Variants in KRT2 observed in about 807,000 individuals in gnomAD.
The protein encoded by KRT2 is keratin, type II cytoskeletal 2 epidermal.
In KRT2, 37 loss-of-function variants were observed where a neutral mutation model predicts 48.5. The ratio of observed to expected loss-of-function variants is 0.76; its 90% CI spans 0.59 to 1.00. The LOEUF (loss-of-function observed/expected upper bound fraction) is 1.00. Among genes scored for constraint, KRT2 ranks in the 50% least tolerant of loss-of-function variants. The pLI is 0.00. For synonymous variants in KRT2, 324 were observed against 312.2 expected (o/e 1.04, Z -0.40); for missense variants, 880 against 815.2 (o/e 1.08, Z -0.97).
rs1354641713 is a variant in KRT2, at chr12:52,645,612, G to A, written c.1470-43C>T. The stretch of plus-strand genomic sequence containing the variant: ...AAAACAAGTTGTGGTGGAACACTTA[G>A]GTTCTGTATGCATGTTGTTTTACCA... On this transcript the variant is annotated intron_variant, in intron 7 of 8. Coordinates refer to ENST00000309680, the MANE Select transcript of KRT2 (RefSeq NM_000423.3). 5.0e-6 allele frequency: 8 copies of A among 1,597,896 alleles called. No individual in the cohort carries two copies. The East Asian group carries it at 1.6e-4, about 31-fold the overall frequency.
Position 52,647,717 on chromosome 12 carries a change from G to T in KRT2, c.1248+13C>A. The T allele has an allele frequency of 1.2e-6, 2 of 1,613,460 alleles. No homozygotes were observed. The highest frequency in any genetic ancestry group is 1.1e-5 in the South Asian group (1 of 90,836). ...CAACCTCCCGCCCCTCGCTGGACAG[G>T]GCTGGGCCTCACCTGCTTCTTCACA... On this transcript the variant is annotated intron_variant, in intron 6 of 8. Transcript: ENST00000309680.
intron 5 of KRT2, 113 bp from the exon 6 acceptor site, chr12:52,647,968 A>G (rs1941193613): frequency 1.4e-6 from 2 of 1,402,892 alleles, no homozygotes; most frequent in African/African-American, 1.4e-5. Flanking sequence ...CAACCCAGCT[A>G]AATGTCATGG....
rs150521654 is a variant in KRT2 at position 52,645,324 on chromosome 12, A to G, written c.1615T>C (p.Tyr539His). ...GGGYSSGSSS[Y>H]GSGGRQSGSR... is the part of the protein sequence containing the mutation. ...CCAGACTGTCGGCCTCCAGAGCCAT[A>G]ACTGCTGCTTCCAGAGCTGTATCCT... The change falls in exon 9 of 9, where the codon TAT becomes CAT. Residue 539 changes from tyrosine (Y) to histidine (H), a missense_variant. Physicochemically the swap from Tyr to His is moderately conservative, Grantham distance 83 (BLOSUM62 2). Transcript: ENST00000309680. 1.9e-5 allele frequency: 30 copies of G among 1,613,954 alleles called. No homozygotes were observed. The highest frequency in any genetic ancestry group is 2.5e-5 in the Non-Finnish European group (29 of 1,180,002).
Position 52,645,239 on chromosome 12 carries a change from C to T in KRT2, c.1700G>A (p.Gly567Asp), listed in dbSNP as rs755833184. The change falls in exon 9 of 9, where the codon GGT becomes GAT. Residue 567 changes from glycine (G) to aspartate (D), a missense_variant. By Grantham distance (94) the Gly-to-Asp change is moderately conservative (BLOSUM62 -1). Coordinates refer to ENST00000309680, the MANE Select transcript of KRT2 (RefSeq NM_000423.3). Reference sequence around the variant, plus strand: ...AGATCCGTATCTTCCTCCAGAACCACCGCCAGAGCCATATCCTCCTCCAGA... The same window carrying T: ...AGATCCGTATCTTCCTCCAGAACCATCGCCAGAGCCATATCCTCCTCCAGA... ...SISGGGYGSG[G>D]GSGGRYGSGG... 48 of 1,613,992 alleles carry T rather than the reference C, an allele frequency of 3.0e-5. No individual in the cohort carries two copies. Among genetic ancestry groups the T allele is most frequent in the Non-Finnish European group, 4.0e-5 (47 of 1,180,022 alleles).
chr12:52,651,026 G>T (rs1324089092), intron 1 of KRT2, among the ~76,000 whole-genome samples: 1 of 152,144 alleles, frequency 6.6e-6, no homozygotes, highest in African/African-American at 2.4e-5. Flanking sequence ...ACCAAGACAG[G>T]TTCGTCTGCC....
Position 52,645,079 on chromosome 12 carries a change from G to C in KRT2, c.1860C>G (p.Ser620Arg). The C allele has an allele frequency of 6.2e-7, 1 of 1,614,048 alleles. No individual in the cohort carries two copies. The highest frequency in any genetic ancestry group is 8.5e-7 in the Non-Finnish European group (1 of 1,180,016). Residue 620 changes from serine to arginine, a missense_variant, in exon 9 of 9, where the codon AGC (serine) becomes AGG (arginine). Ser to Arg is a moderately radical substitution (Grantham distance 110). Coordinates refer to ENST00000309680, the MANE Select transcript of KRT2 (RefSeq NM_000423.3). Reference protein sequence around the residue: ...GGYGSGGGGSSSVKGSSGEAF... With the variant: ...GGYGSGGGGSRSVKGSSGEAF... Reference sequence around the variant, plus strand: ...CTTCACCTGAGCTACCCTTTACAGAGCTAGAACCCCCACCTCCAGAGCCAT... The same window carrying C: ...CTTCACCTGAGCTACCCTTTACAGACCTAGAACCCCCACCTCCAGAGCCAT...
Position 52,649,976 on chromosome 12 carries a change from T to C in KRT2, c.801-2A>G. 6.2e-7 allele frequency: 1 copy of C among 1,608,852 alleles called. No individual in the cohort carries two copies. The highest frequency in any genetic ancestry group is 8.5e-7 in the Non-Finnish European group (1 of 1,175,186). On this transcript the variant is annotated splice_acceptor_variant, in intron 2 of 8. Coordinates refer to ENST00000309680, the MANE Select transcript of KRT2 (RefSeq NM_000423.3). LOFTEE classifies it high-confidence loss of function. Reference sequence around the variant, plus strand: ...CGCTTATTGATTTCATCCTCATACCTATTGGGACACAGATGTTACAGCAGT... The same window carrying C: ...CGCTTATTGATTTCATCCTCATACCCATTGGGACACAGATGTTACAGCAGT...
At chr12:52,650,801 T>C in intron 1 of KRT2, 1 of 547,756 alleles carries the variant, frequency 1.8e-6, no homozygotes, top group South Asian at 2.0e-5. Context: ...TGCTCACTGG[T>C]TTGTTTGCAG....
Position 52,645,595 on chromosome 12 carries a change from T to A in KRT2, c.1470-26A>T, listed in dbSNP as rs1365565799. The A allele has an allele frequency of 1.9e-6, 3 of 1,612,904 alleles. No individual in the cohort carries two copies. The East Asian group carries it at 6.7e-5, about 36-fold the overall frequency. ...CTGTAAGGGAGAGAGAAAAAACAAG[T>A]TGTGGTGGAACACTTAGGTTCTGTA... On this transcript the variant is annotated intron_variant, in intron 7 of 8. Transcript: ENST00000309680.
rs1299514580 is a variant in KRT2 at position 52,649,909 on chromosome 12, C to T, written c.861+5G>A. On this transcript the variant is annotated splice_donor_5th_base_variant and intron_variant, in intron 3 of 8. Coordinates refer to ENST00000309680, the MANE Select transcript of KRT2 (RefSeq NM_000423.3). ...CACCCCCAGCCAAGACATTCTCTCG[C>T]TCACCTTTTTAAGCGTCACAAAATC... The T allele has an allele frequency of 8.1e-6, 13 of 1,612,354 alleles. No individual in the cohort carries two copies. The highest frequency in any genetic ancestry group is 1.0e-5 in the Non-Finnish European group (12 of 1,178,390).
Position 52,645,012 on chromosome 12 carries a change from C to T in KRT2, c.*7G>A, listed in dbSNP as rs1185996904. On this transcript the variant is annotated 3_prime_UTR_variant, in exon 9 of 9. Transcript: ENST00000309680. ...TTGGGAGAGTCGGTGGTGGTGGGGG[C>T]TCATCTTTATCTAAAAGAGAAGGTC... 1 of 1,613,742 alleles carries T rather than the reference C, an allele frequency of 6.2e-7. No individual in the cohort carries two copies. The highest frequency in any genetic ancestry group is 1.1e-5 in the South Asian group (1 of 91,036).
Position 52,651,853 on chromosome 12 carries a change from C to T in KRT2, c.290G>A (p.Gly97Glu), listed in dbSNP as rs1941256831. The T allele has an allele frequency of 6.2e-7, 1 of 1,605,036 alleles. No individual in the cohort carries two copies. Among genetic ancestry groups the T allele is most frequent in the Non-Finnish European group, 8.5e-7 (1 of 1,174,922 alleles). ...GGFGGRGGGFGGGSSFGGGSG... is the reference protein window; with the variant it reads ...GGFGGRGGGFEGGSSFGGGSG... The stretch of plus-strand genomic sequence containing the variant: ...GCCACCTCCAAAGCTGCTGCCGCCT[C>T]CAAAACCACCTCCTCTGCCACCAAA... The change falls in exon 1 of 9, where the codon GGA becomes GAA. Residue 97 changes from glycine to glutamate, a missense_variant. Coordinates refer to ENST00000309680, the MANE Select transcript of KRT2 (RefSeq NM_000423.3).
Position 52,648,153 on chromosome 12 carries a change from C to G in KRT2, c.1122+20G>C, listed in dbSNP as rs1941196259. 6.2e-7 allele frequency: 1 copy of G among 1,613,754 alleles called. No homozygotes were observed. The highest frequency in any genetic ancestry group is 1.7e-5 in the Admixed American group (1 of 60,010). ...CTCATGGCAGGGAGCTGTGGCTCTT[C>G]CTACATTCCCTCTACTTGCCTTGCT... On this transcript the variant is annotated intron_variant, in intron 5 of 8. Coordinates refer to ENST00000309680, the MANE Select transcript of KRT2 (RefSeq NM_000423.3).
At position 52,649,106 on chromosome 12, in the gene KRT2, C is replaced by T; in HGVS notation, c.862-4G>A. 6.2e-7 allele frequency: 1 copy of T among 1,601,020 alleles called. No individual in the cohort carries two copies. The highest frequency in any genetic ancestry group is 2.2e-5 in the East Asian group (1 of 44,798). ...TCATGTAGGCATTGTCCACGTCCTG[C>T]AAGAAAGGTTGAGGCCTCTGGTGTA... On this transcript the variant is annotated splice_region_variant and splice_polypyrimidine_tract_variant and intron_variant, in intron 3 of 8. Transcript: ENST00000309680.
In KRT2 at chr12:52,648,257, A is replaced by AG; in HGVS notation, c.1037_1038insC (p.Ser347Ter). On this transcript the variant is annotated frameshift_variant, in exon 5 of 9. Coordinates refer to ENST00000309680, the MANE Select transcript of KRT2 (RefSeq NM_000423.3). LOFTEE classifies it high-confidence loss of function. ...GGGCCTTGACCTCGGCGATGATGCT[A>AG]TCCAAGTCCAGGTTGCGGCTGTTGT... 6.2e-7 allele frequency: 1 copy of AG among 1,614,034 alleles called. No individual in the cohort carries two copies. Among genetic ancestry groups the AG allele is most frequent in the Non-Finnish European group, 8.5e-7 (1 of 1,179,964 alleles).
chr12:52,647,081 A>G (rs1941178787), intron 6 of KRT2, 121 bp from the exon 7 acceptor site: 2 of 861,440 alleles, frequency 2.3e-6, no homozygotes, highest in Admixed American at 3.8e-5. Context: ...TCTGGAGTTT[A>G]GTCGCAAACA....
intron 7 of KRT2, among the ~76,000 whole-genome samples, chr12:52,646,038 C>T (rs566738727): frequency 2.0e-5 from 3 of 152,358 alleles, no homozygotes; most frequent in Non-Finnish European, 4.4e-5. Flanking sequence ...AACTTTCCCA[C>T]TTCCTCTTAC....
chr12:52,651,406 G>A, intron 1 of KRT2, 152 bp downstream of exon 1: 3 of 703,446 alleles, frequency 4.3e-6, no homozygotes, highest in Non-Finnish European at 7.7e-6. Context: ...CACAAAGCTG[G>A]CGTCTTTTCC....
At position 52,652,187 on chromosome 12, in the gene KRT2, T is replaced by A. The variant is rs1941266009; in HGVS notation, c.-45A>T. 5.6e-6 allele frequency: 8 copies of A among 1,422,124 alleles called. No individual in the cohort carries two copies. The highest frequency in any genetic ancestry group is 6.7e-6 in the Non-Finnish European group (7 of 1,042,216). The allele number at this position is 1,422,124 out of a possible 1,614,324, so 88.1% of individuals were successfully genotyped here. ...GAAAGTCACAGGCTCTTGAGAAGAG[T>A]CAAGGCTGGAGACTCAACTGTGCTG... On this transcript the variant is annotated 5_prime_UTR_variant, in exon 1 of 9. Coordinates refer to ENST00000309680, the MANE Select transcript of KRT2 (RefSeq NM_000423.3).
Sources: gnomAD v4.1 joint callset for allele counts (sites outside exome capture counted in the v4.1 genomes callset) on GRCh38, gnomAD v4.1.1 for gene constraint, MANE v1.5 for transcripts, NCBI Gene and HGNC (gene_info 2026-07-23, HGNC 2026-07-21) for gene names.